The following PRKN variants were observed in gnomAD, a reference collection of about 807,000 sequenced individuals.
The protein encoded by PRKN is parkin RBR E3 ubiquitin protein ligase.
Under a neutral mutation model 59.5 loss-of-function variants are expected in PRKN, and 56 were observed. That is an observed-to-expected ratio of 0.94 (90% CI 0.76 to 1.18). The LOEUF (loss-of-function observed/expected upper bound fraction) is 1.18. Among genes scored for constraint, PRKN ranks in the 50% most tolerant of loss-of-function variants. The pLI, the probability that PRKN is intolerant of heterozygous loss-of-function variation, is 0.00. For synonymous variants in PRKN, 250 were observed against 222.1 expected (o/e 1.13, Z -1.12); for missense variants, 657 against 596.4 (o/e 1.10, Z -1.06).
rs79835108 is a variant in PRKN, at chr6:161,550,200, C to T, written c.934-1197G>A. 2.0e-5 allele frequency among the ~76,000 whole-genome samples: 3 copies of T among 151,888 alleles called. No homozygotes were observed. Among genetic ancestry groups the T allele is most frequent in the East Asian group, 1.9e-4 (1 of 5,154 alleles). ...GGGTACAACAAGGGGGGCAGTGGGG[C>T]GGAGGCAGAGAGAACAAGGAGGGAA... On this transcript the variant is annotated intron_variant, in intron 8 of 11. Transcript: ENST00000366898. This position sits in a 1 kb window ranked among gnomAD's most constrained non-coding sequence, Gnocchi z 4.0.
At chr6:162,292,392 TA>T (rs1781476459) in intron 2 of PRKN, among the ~76,000 whole-genome samples, 1 of 152,274 alleles carries the variant, frequency 6.6e-6, no homozygotes, top group Admixed American at 6.5e-5. Context: ...CTTTTGTCAT[TA>T]CCCTTTTGTA....
intron 1 of PRKN, among the ~76,000 whole-genome samples, chr6:162,698,480 G>C (rs947064999): frequency 3.9e-5 from 6 of 152,060 alleles, no homozygotes; most frequent in African/African-American, 1.4e-4. Flanking sequence ...GTGCTGGCTA[G>C]AGCTCAAGCA....
intron 2 of PRKN, among the ~76,000 whole-genome samples, chr6:162,359,591 TAAA>T (rs34993229): frequency 0.011 from 1,608 of 146,484 alleles, 28 homozygotes; most frequent in African/African-American, 0.038. Flanking sequence ...CTTTTAAAAT[TAAA>T]AAAAAAAAAA....
rs1381464218 is a variant in PRKN, at chr6:161,460,133, A to G, written c.1084-73256T>C. On this transcript the variant is annotated intron_variant, in intron 9 of 11. Coordinates refer to ENST00000366898, the MANE Select transcript of PRKN (RefSeq NM_004562.3). This position sits in a 1 kb window ranked among gnomAD's most constrained non-coding sequence, Gnocchi z 5.0. ...ATAAACAGCAATTGATCCTACCCTC[A>G]ATAAGTCATCTGCTTAGAGGACAGA... Among the ~76,000 whole-genome samples, 1 of 152,222 alleles carries G rather than the reference A, an allele frequency of 6.6e-6. No homozygotes were observed. The highest frequency in any genetic ancestry group is 1.5e-5 in the Non-Finnish European group (1 of 68,034).
intron 5 of PRKN, among the ~76,000 whole-genome samples, chr6:162,025,582 G>GTTTT (rs1562468782): frequency 4.3e-4 from 13 of 30,142 alleles, no homozygotes; most frequent in East Asian, 1.0e-3. Flanking sequence ...TATCCATGGT[G>GTTTT]CTTTTTTTTT....
At chr6:162,720,370 T>C (rs960859671) in intron 1 of PRKN, among the ~76,000 whole-genome samples, 21 of 150,338 alleles carry the variant, frequency 1.4e-4, no homozygotes, top group Non-Finnish European at 2.7e-4. Flanking sequence ...ACAGTAAAAG[T>C]AAATTGGAGA....
intron 1 of PRKN, among the ~76,000 whole-genome samples, chr6:162,458,135 T>A (rs1226407626): frequency 7.8e-6 from 1 of 127,456 alleles, no homozygotes; most frequent in African/African-American, 2.6e-5. Context: ...ACACCTGTAA[T>A]CCCCAGCTAC....
At chr6:161,802,340 C>T (rs1791116617) in intron 6 of PRKN, among the ~76,000 whole-genome samples, 2 of 151,982 alleles carry the variant, frequency 1.3e-5, no homozygotes, top group South Asian at 2.1e-4. Flanking sequence ...TTCTCCCACT[C>T]GCTGTGATCC....
At chr6:162,334,254 G>A (rs779714550) in intron 2 of PRKN, among the ~76,000 whole-genome samples, 1 of 152,232 alleles carries the variant, frequency 6.6e-6, no homozygotes, top group Non-Finnish European at 1.5e-5. Context: ...ATTCAGTGTA[G>A]AGAAAACAGC....
Position 161,511,890 on chromosome 6 carries a change from C to T in PRKN, c.1083+36964G>A, listed in dbSNP as rs77993189. ...CTGGGAGAAGAATATCTCACTTTAG[C>T]GGAGACAGCTCCCGCAGTTCCATTC... On this transcript the variant is annotated intron_variant, in intron 9 of 11. Coordinates refer to ENST00000366898, the MANE Select transcript of PRKN (RefSeq NM_004562.3). Among the ~76,000 whole-genome samples, 1,476 of 152,212 alleles carry T rather than the reference C, an allele frequency of 9.7e-3. 31 individuals carry two copies. The highest frequency in any genetic ancestry group is 0.034 in the African/African-American group (1,392 of 41,552).
intron 4 of PRKN, among the ~76,000 whole-genome samples, chr6:162,128,800 C>G (rs1781226801): frequency 6.6e-6 from 1 of 152,204 alleles, no homozygotes; most frequent in Non-Finnish European, 1.5e-5. Flanking sequence ...GCTGCCTCGC[C>G]TCTTCCACCA....
Position 162,601,154 on chromosome 6 carries a change from G to A in PRKN, c.7+126508C>T, listed in dbSNP as rs59406462. Among the ~76,000 whole-genome samples, 420 of 152,244 alleles carry A rather than the reference G, an allele frequency of 2.8e-3. 3 individuals carry two copies. The highest frequency in any genetic ancestry group is 9.4e-3 in the African/African-American group (389 of 41,554). On this transcript the variant is annotated intron_variant, in intron 1 of 11. Transcript: ENST00000366898. ...AGATGGTGAAGGGCACACATGTCAA[G>A]AGGGCAAAAGCATGCGCGTCAGCTT...
At chr6:162,197,388 C>A (rs1299247156) in intron 4 of PRKN, among the ~76,000 whole-genome samples, 2 of 152,024 alleles carry the variant, frequency 1.3e-5, no homozygotes, top group Non-Finnish European at 2.9e-5. Flanking sequence ...TACACTAGAT[C>A]TAGTTACTGT....
rs1209351399 is a variant in PRKN at position 162,556,370 on chromosome 6, T to TGTGCGC, written c.8-112898_8-112897insGCGCAC. On this transcript the variant is annotated intron_variant, in intron 1 of 11. Transcript: ENST00000366898. ...GTGTGTGTGTGTGTGTGTGTGTGTG[T>TGTGCGC]GTGTGTGTGTGTGTGTGTGTGTGTG... 5.0e-4 allele frequency among the ~76,000 whole-genome samples: 50 copies of TGTGCGC among 99,362 alleles called. 1 individual carries two copies. Among genetic ancestry groups the TGTGCGC allele is most frequent in the South Asian group, 2.9e-3 (7 of 2,404 alleles). The allele number at this position is 99,362 out of a possible 152,430, so 65.2% of individuals were successfully genotyped here. A position where few individuals can be genotyped will look rare whatever the true frequency, so the allele number is the denominator to read the frequency against.
intron 7 of PRKN, among the ~76,000 whole-genome samples, chr6:161,589,213 G>A (rs1209604458): frequency 1.3e-5 from 2 of 152,208 alleles, no homozygotes; most frequent in African/African-American, 4.8e-5. Flanking sequence ...AGGAGGACGC[G>A]CAGAGACGCC....
rs527556748 is a variant in PRKN, at chr6:162,352,395, C to T, written c.172-89630G>A. On this transcript the variant is annotated intron_variant, in intron 2 of 11. Coordinates refer to ENST00000366898, the MANE Select transcript of PRKN (RefSeq NM_004562.3). ...CAGAAAAGGCTGTGTGTCAAACTTT[C>T]TGAACCATTTATCTTTTATAGACTG... 7.8e-4 allele frequency among the ~76,000 whole-genome samples: 119 copies of T among 152,188 alleles called. 1 individual carries two copies. Among genetic ancestry groups the T allele is most frequent in the Non-Finnish European group, 1.5e-3 (103 of 68,032 alleles).
intron 8 of PRKN, among the ~76,000 whole-genome samples, chr6:161,553,191 G>A (rs1455835932): frequency 6.6e-6 from 1 of 151,070 alleles, no homozygotes; most frequent in Non-Finnish European, 1.5e-5. Flanking sequence ...ATCTGTTGAA[G>A]AAAGCAGGAC....
At chr6:162,095,535 C>T (rs1179736039) in intron 4 of PRKN, among the ~76,000 whole-genome samples, 6 of 152,098 alleles carry the variant, frequency 3.9e-5, no homozygotes, top group East Asian at 1.9e-4. Flanking sequence ...CAGTTACGAT[C>T]GCTGACCTAT....
intron 6 of PRKN, among the ~76,000 whole-genome samples, chr6:161,925,259 T>C (rs553585700): frequency 6.6e-6 from 1 of 152,330 alleles, no homozygotes; most frequent in Admixed American, 6.5e-5. Context: ...TCTTTGACTT[T>C]ATAGAAATGT....
Sources: allele counts gnomAD v4.1 joint callset (sites outside exome capture counted in the v4.1 genomes callset), GRCh38; gene constraint gnomAD v4.1.1; non-coding constraint Gnocchi (gnomAD v3.1); transcripts MANE v1.5; gene names NCBI Gene and HGNC (gene_info 2026-07-23, HGNC 2026-07-21).